NFKB1: variants seen among roughly 807,000 people sequenced by gnomAD.
NFKB1 encodes nuclear factor kappa B subunit 1.
Under a neutral mutation model 105.1 loss-of-function variants are expected in NFKB1, and 9 were observed. The observed-to-expected ratio is 0.09, with a 90% CI of 0.05 to 0.15. NFKB1 has a LOEUF of 0.15. NFKB1 is among the 10% of genes least tolerant of loss of function. The pLI is 1.00. For missense variants in NFKB1, 830 were observed against 1,203.7 expected, an observed-to-expected ratio of 0.69 and a Z score of 4.59; for synonymous variants, 440 against 442.2, an observed-to-expected ratio of 1.00 and a Z score of 0.06.
intron 3 of NFKB1, among the ~76,000 whole-genome samples, chr4:102,530,758 G>A (rs1054845461): frequency 6.6e-6 from 1 of 152,144 alleles, no homozygotes; most frequent in Admixed American, 6.6e-5. Context: ...GGTTACTACA[G>A]TACTTACTTT....
At chr4:102,580,882 A>C (rs935140576) in intron 9 of NFKB1, among the ~76,000 whole-genome samples, 2 of 152,258 alleles carry the variant, frequency 1.3e-5, no homozygotes, top group African/African-American at 4.8e-5. Context: ...GAAAACCGTG[A>C]TAATTATAAT....
chr4:102,518,203 G>A (rs1371189444), intron 1 of NFKB1, among the ~76,000 whole-genome samples: 1 of 152,224 alleles, frequency 6.6e-6, no homozygotes, highest in Non-Finnish European at 1.5e-5. Flanking sequence ...CAGGAATGAT[G>A]AAATTGCTTT....
At chr4:102,506,521 G>C (rs745486727) in intron 1 of NFKB1, among the ~76,000 whole-genome samples, 3 of 152,116 alleles carry the variant, frequency 2.0e-5, no homozygotes, top group Non-Finnish European at 4.4e-5. Flanking sequence ...CACTATAGAA[G>C]CTGGGGCCTC....
intron 15 of NFKB1, among the ~76,000 whole-genome samples, chr4:102,598,582 C>G (rs1726848064): frequency 6.6e-6 from 1 of 152,168 alleles, no homozygotes; most frequent in Non-Finnish European, 1.5e-5. Flanking sequence ...AACCACTGGC[C>G]TTGTTATACA....
In NFKB1 at chr4:102,533,907, T is replaced by G. The variant is rs945144382; in HGVS notation, c.159+22T>G. On this transcript the variant is annotated intron_variant, in intron 4 of 23. Transcript: ENST00000226574. ...ACAGGTAAGATTAAAGGGGTGGGACTTTAAATGTTAGATTCCAGTGTCTAA... is the reference window on the plus strand; with the variant it reads ...ACAGGTAAGATTAAAGGGGTGGGACGTTAAATGTTAGATTCCAGTGTCTAA... The G allele has an allele frequency of 1.2e-6, 2 of 1,601,612 alleles. 1 individual carries two copies. Among genetic ancestry groups the G allele is most frequent in the Admixed American group, 3.4e-5 (2 of 59,408 alleles).
chr4:102,536,747 T>G (rs1741664018), intron 4 of NFKB1, among the ~76,000 whole-genome samples: 1 of 152,112 alleles, frequency 6.6e-6, no homozygotes, highest in African/African-American at 2.4e-5. Context: ...GATGATCTAG[T>G]GCTGTATATG....
rs1312469339 is a variant in NFKB1, at chr4:102,606,643, A to G, written c.1900A>G (p.Ile634Val). The G allele has an allele frequency of 2.5e-6, 4 of 1,614,202 alleles. No individual in the cohort carries two copies. Among genetic ancestry groups the G allele is most frequent in the Admixed American group, 1.7e-5 (1 of 60,030 alleles). The change falls in exon 17 of 24, where the codon ATC becomes GTC. Residue 634 changes from isoleucine (I) to valine (V), a missense_variant. Physicochemically the swap from Ile to Val is conservative, Grantham distance 29. Transcript: ENST00000226574. ...AGAAGGACATGATAAAGTTCTCAGT[A>G]TCTTACTCAAGCACAAAAAGGCAGC... is the stretch of plus-strand genomic sequence containing the variant. ...AKEGHDKVLS[I>V]LLKHKKAALL...
In NFKB1 at chr4:102,577,870, C is replaced by T. The variant is rs372933506; in HGVS notation, c.571+831C>T. ...AGTCTTCTCCCTGGTCTCTGTCCCT[C>T]CCCACTTCTAATCAAGTTTACATCT... On this transcript the variant is annotated intron_variant, in intron 7 of 23. Coordinates refer to ENST00000226574, the MANE Select transcript of NFKB1 (RefSeq NM_003998.4). 12 of 985,326 alleles carry T rather than the reference C, an allele frequency of 1.2e-5. No homozygotes were observed. The African/African-American group carries it at 2.1e-4, about 17-fold the overall frequency. The allele number at this position is 985,326 out of a possible 1,614,324, so 61.0% of individuals were successfully genotyped here. A position where few individuals can be genotyped will look rare whatever the true frequency, so the allele number is the denominator to read the frequency against.
At chr4:102,510,908 A>C (rs1451600394) in intron 1 of NFKB1, 2 of 1,282,874 alleles carry the variant, frequency 1.6e-6, no homozygotes, top group Non-Finnish European at 2.0e-6. Context: ...CATCAAGAAA[A>C]AAGACAGAAG....
At chr4:102,591,309 T>G (rs942415480) in intron 11 of NFKB1, among the ~76,000 whole-genome samples, 1 of 151,164 alleles carries the variant, frequency 6.6e-6, no homozygotes, top group Non-Finnish European at 1.5e-5. Context: ...ACAGGCTGAC[T>G]CTCAGGAGGT....
intron 1 of NFKB1, among the ~76,000 whole-genome samples, chr4:102,504,224 G>A (rs73837241): frequency 0.033 from 4,956 of 152,114 alleles, 270 homozygotes; most frequent in African/African-American, 0.11. Flanking sequence ...TTGCATCTTC[G>A]GGTCTTAGTA....
intron 5 of NFKB1, among the ~76,000 whole-genome samples, chr4:102,553,328 A>T (rs1224337905): frequency 2.6e-5 from 4 of 152,152 alleles, no homozygotes; most frequent in Non-Finnish European, 5.9e-5. Context: ...GGGTGGTTGT[A>T]TACCTTTAAG....
intron 11 of NFKB1, among the ~76,000 whole-genome samples, chr4:102,587,264 C>T (rs145519785): frequency 6.6e-6 from 1 of 152,308 alleles, no homozygotes; most frequent in East Asian, 1.9e-4. Flanking sequence ...TTAATTTAAA[C>T]ACCCTTCTTT....
intron 10 of NFKB1, 122 bp downstream of exon 10, chr4:102,583,079 G>C: frequency 5.0e-6 from 3 of 595,578 alleles, no homozygotes; most frequent in Admixed American, 2.8e-5. Context: ...TGTTGGGCTT[G>C]AGGGATCCTC....
At chr4:102,503,635 T>C (rs1429379615) in intron 1 of NFKB1, 1 of 152,078 alleles carries the variant, frequency 6.6e-6, no homozygotes, top group Non-Finnish European at 1.5e-5. Flanking sequence ...ATACTGGGGG[T>C]ATACATACAA....
chr4:102,530,769 T>A (rs1741237766), intron 3 of NFKB1, among the ~76,000 whole-genome samples: 1 of 152,196 alleles, frequency 6.6e-6, no homozygotes, highest in Admixed American at 6.5e-5. Context: ...TACTTACTTT[T>A]CTTTTGTTTT....
intron 15 of NFKB1, among the ~76,000 whole-genome samples, chr4:102,598,093 G>A (rs1726791283): frequency 6.6e-6 from 1 of 152,226 alleles, no homozygotes; most frequent in South Asian, 2.1e-4. Flanking sequence ...GAAAGATTAA[G>A]AGGGACTGGT....
chr4:102,533,217 G>T (rs1238031988), intron 3 of NFKB1, among the ~76,000 whole-genome samples: 1 of 152,092 alleles, frequency 6.6e-6, no homozygotes, highest in Admixed American at 6.6e-5. Context: ...ATTACATTGG[G>T]AGTGTCGGGG....
intron 11 of NFKB1, among the ~76,000 whole-genome samples, chr4:102,589,413 C>T (rs541748856): frequency 2.0e-5 from 3 of 151,814 alleles, no homozygotes; most frequent in Non-Finnish European, 2.9e-5. Flanking sequence ...CAAAGTTTCT[C>T]CACTTAAAGG....
Sources: gnomAD v4.1 joint callset for allele counts (sites outside exome capture counted in the v4.1 genomes callset) on GRCh38, gnomAD v4.1.1 for gene constraint, MANE v1.5 for transcripts, NCBI Gene and HGNC (gene_info 2026-07-23, HGNC 2026-07-21) for gene names.